Variants in SLC36A1 observed in about 807,000 individuals in gnomAD.
SLC36A1 encodes solute carrier family 36 member 1.
SLC36A1 carries 30 observed loss-of-function variants against 47.5 expected under a neutral mutation model. The observed-to-expected ratio is 0.63, with a 90% CI of 0.47 to 0.86. The LOEUF (loss-of-function observed/expected upper bound fraction) is 0.86, where lower values mean the gene tolerates loss of function less well. Among genes scored for constraint, SLC36A1 ranks in the 40% least tolerant of loss-of-function variants. The pLI, the probability that SLC36A1 is intolerant of heterozygous loss-of-function variation, is 0.00. For missense variants in SLC36A1, 517 were observed against 606.0 expected (o/e 0.85, Z 1.54); for synonymous variants, 255 against 249.7 (o/e 1.02, Z -0.20).
Position 151,479,235 on chromosome 5 carries a change from A to G in SLC36A1, c.990-85A>G, listed in dbSNP as rs531941240. ...TTGTATCCTTGATAAGTGTCAACAA[A>G]TCGCAATGGGACCATTTTGCACTCT... is the stretch of plus-strand genomic sequence containing the variant. On this transcript the variant is annotated intron_variant, in intron 9 of 10. Coordinates refer to ENST00000243389, the MANE Select transcript of SLC36A1 (RefSeq NM_078483.4). 43 of 1,447,596 alleles carry G rather than the reference A, an allele frequency of 3.0e-5. No individual in the cohort carries two copies. The African/African-American group carries it at 4.2e-4, about 14-fold the overall frequency. 89.7% of individuals were successfully genotyped at this position (1,447,596 alleles called of 1,614,324 possible).
the SLC36A1 span, chr5:151,521,809 C>G: frequency 5.0e-6 from 8 of 1,614,154 alleles, no homozygotes; most frequent in East Asian, 1.8e-4. Flanking sequence ...GTAGTGGCCA[C>G]GAGGCAGGCC....
the SLC36A1 span, among the ~76,000 whole-genome samples, chr5:151,550,234 ACC>A: frequency 6.6e-6 from 1 of 151,912 alleles, no homozygotes; most frequent in Non-Finnish European, 1.5e-5. Flanking sequence ...TGCTGGCCTG[ACC>A]CTAGTCCTTG....
At chr5:151,452,485 G>C (rs1753795621) in intron 1 of SLC36A1, 1 of 152,214 alleles carries the variant, frequency 6.6e-6, no homozygotes, top group African/African-American at 2.4e-5. Flanking sequence ...GTGAATTCTG[G>C]TAGGAGGTGA....
At chr5:151,554,742 T>A in the SLC36A1 span, 1 of 1,178,584 alleles carries the variant, frequency 8.5e-7, no homozygotes, top group South Asian at 1.4e-5. Context: ...TTTAACAACC[T>A]GGAAATAGTA....
At chr5:151,381,649 C>G in the SLC36A1 span, among the ~76,000 whole-genome samples, 1 of 152,162 alleles carries the variant, frequency 6.6e-6, no homozygotes, top group African/African-American at 2.4e-5. Flanking sequence ...CTGCACTTGA[C>G]AGATCAGCTG....
chr5:151,392,974 A>C, the SLC36A1 span, among the ~76,000 whole-genome samples: 265 of 152,004 alleles, frequency 1.7e-3, no homozygotes, highest in African/African-American at 6.0e-3. Flanking sequence ...TTTCTGTCTC[A>C]TTGATCTGTC....
At chr5:151,408,299 C>T in the SLC36A1 span, among the ~76,000 whole-genome samples, 2 of 152,186 alleles carry the variant, frequency 1.3e-5, no homozygotes, top group Non-Finnish European at 1.5e-5. Flanking sequence ...AGTGATTCTC[C>T]TGCCTCAGCC....
chr5:151,406,793 G>A, the SLC36A1 span, among the ~76,000 whole-genome samples: 1 of 152,252 alleles, frequency 6.6e-6, no homozygotes, highest in East Asian at 1.9e-4. Flanking sequence ...CTCAGTTCTA[G>A]TGTGTCCGGA....
chr5:151,425,770 T>G, the SLC36A1 span, among the ~76,000 whole-genome samples: 11 of 152,232 alleles, frequency 7.2e-5, no homozygotes, highest in Non-Finnish European at 1.6e-4. Flanking sequence ...GGCCTAGTTA[T>G]TTTTAAATAG....
At chr5:151,438,298 C>A (rs141510204) in intron 1 of SLC36A1, among the ~76,000 whole-genome samples, 1 of 152,040 alleles carries the variant, frequency 6.6e-6, no homozygotes, top group African/African-American at 2.4e-5. Flanking sequence ...ATATGAACAC[C>A]CTACTTACCC....
At chr5:151,383,316 T>G in the SLC36A1 span, among the ~76,000 whole-genome samples, 1 of 151,702 alleles carries the variant, frequency 6.6e-6, no homozygotes, top group Non-Finnish European at 1.5e-5. Flanking sequence ...GGGGGTGGAG[T>G]ATTTCATTGT....
the SLC36A1 span, among the ~76,000 whole-genome samples, chr5:151,523,375 C>T: frequency 6.6e-6 from 1 of 152,006 alleles, no homozygotes; most frequent in East Asian, 1.9e-4. Context: ...CTAGTTTATC[C>T]TTCTTATGAG....
the SLC36A1 span, chr5:151,380,220 A>G: frequency 9.6e-6 from 2 of 207,486 alleles, no homozygotes; most frequent in Non-Finnish European, 2.0e-5. Context: ...GATAATAAGG[A>G]AATGTTAAAA....
At chr5:151,371,941 C>T in the SLC36A1 span, among the ~76,000 whole-genome samples, 1 of 152,064 alleles carries the variant, frequency 6.6e-6, no homozygotes, top group South Asian at 2.1e-4. Context: ...GACTGTTACA[C>T]TCTGGATGGG....
At chr5:151,533,902 C>G in the SLC36A1 span, among the ~76,000 whole-genome samples, 1 of 151,868 alleles carries the variant, frequency 6.6e-6, no homozygotes, top group Non-Finnish European at 1.5e-5. Flanking sequence ...TGCAATTTAC[C>G]TTGTAAATTT....
chr5:151,521,917 T>G, the SLC36A1 span: 1 of 1,613,742 alleles, frequency 6.2e-7, no homozygotes, highest in Non-Finnish European at 8.5e-7. Context: ...GTCCTGGGGG[T>G]CTCGGTCTGT....
At chr5:151,537,134 AAAAGACAG>A in the SLC36A1 span, among the ~76,000 whole-genome samples, 1 of 152,110 alleles carries the variant, frequency 6.6e-6, no homozygotes, top group Non-Finnish European at 1.5e-5. Context: ...ATAGCTAGCA[AAAAGACAG>A]AAAGACAGAA....
chr5:151,473,592 C>T (rs1757622092), intron 7 of SLC36A1, 81 bp from the exon 8 acceptor site: 1 of 879,030 alleles, frequency 1.1e-6, no homozygotes, highest in Admixed American at 2.0e-5. Context: ...AAGGTATGAC[C>T]TCTCCGATTC....
At chr5:151,383,862 C>T in the SLC36A1 span, among the ~76,000 whole-genome samples, 2 of 152,098 alleles carry the variant, frequency 1.3e-5, no homozygotes, top group Non-Finnish European at 2.9e-5. Flanking sequence ...CGTGAGCCAC[C>T]GCACCCAGCC....
Sources: gnomAD v4.1 joint callset for allele counts (sites outside exome capture counted in the v4.1 genomes callset) on GRCh38, gnomAD v4.1.1 for gene constraint, MANE v1.5 for transcripts, NCBI Gene and HGNC (gene_info 2026-07-23, HGNC 2026-07-21) for gene names.